Variants in TIAM1 observed in about 807,000 individuals in gnomAD.
TIAM1 encodes TIAM Rac1 associated GEF 1.
A neutral mutation model predicts 163.5 loss-of-function variants in TIAM1; 65 were observed. The ratio of observed to expected loss-of-function variants is 0.40; its 90% CI spans 0.33 to 0.49. The LOEUF (loss-of-function observed/expected upper bound fraction) is 0.49, where lower values mean the gene tolerates loss of function less well. TIAM1 is among the 20% of genes least tolerant of loss of function. TIAM1 has a pLI of 0.77. For synonymous variants in TIAM1, 833 were observed against 810.1 expected (o/e 1.03, Z -0.48); for missense variants, 1,789 against 2,044.7 (o/e 0.87, Z 2.41).
At chr21:31,514,813 T>G (rs550400919) in intron 1 of TIAM1, among the ~76,000 whole-genome samples, 1 of 152,344 alleles carries the variant, frequency 6.6e-6, no homozygotes, top group East Asian at 1.9e-4. Flanking sequence ...GCAGCTGCGC[T>G]GCCCTCTCTC....
intron 8 of TIAM1, among the ~76,000 whole-genome samples, chr21:31,218,684 T>C (rs532556979): frequency 1.1e-4 from 17 of 152,256 alleles, no homozygotes; most frequent in African/African-American, 4.1e-4. Flanking sequence ...TCCTGGTCAA[T>C]GGCATACAAG....
intron 1 of TIAM1, among the ~76,000 whole-genome samples, chr21:31,517,048 C>CAA (rs747446437): frequency 0.018 from 1,164 of 65,344 alleles, 11 homozygotes; most frequent in Non-Finnish European, 0.026. Context: ...GACTCTGTCT[C>CAA]AAAAAAAAAA....
intron 12 of TIAM1, among the ~76,000 whole-genome samples, chr21:31,197,696 C>T (rs2085949125): frequency 6.6e-6 from 1 of 152,170 alleles, no homozygotes; most frequent in Non-Finnish European, 1.5e-5. Context: ...ATGTCAAGAT[C>T]TATCATCAAG....
At chr21:31,222,767 G>C (rs2087693894) in intron 8 of TIAM1, among the ~76,000 whole-genome samples, 1 of 132,046 alleles carries the variant, frequency 7.6e-6, no homozygotes, top group South Asian at 2.5e-4. Flanking sequence ...ACCCAGGCTG[G>C]AGTGCAGTGG....
chr21:31,216,184 A>C (rs7276947), intron 9 of TIAM1, among the ~76,000 whole-genome samples: 6,906 of 152,030 alleles, frequency 0.045, 448 homozygotes, highest in African/African-American at 0.15. Flanking sequence ...AAAACAAAAC[A>C]AAACCAAAAA....
chr21:31,538,307 T>C (rs2048206050), intron 1 of TIAM1, among the ~76,000 whole-genome samples: 2 of 152,076 alleles, frequency 1.3e-5, no homozygotes, highest in African/African-American at 4.8e-5. Flanking sequence ...CTTTGGGAGG[T>C]TGAGACAGAA....
intron 2 of TIAM1, among the ~76,000 whole-genome samples, chr21:31,286,469 A>G (rs531181253): frequency 6.6e-6 from 1 of 152,212 alleles, no homozygotes; most frequent in South Asian, 2.1e-4. Context: ...GCACTTTGGG[A>G]AGCCGAAACA....
intron 27 of TIAM1, among the ~76,000 whole-genome samples, chr21:31,122,118 T>G (rs568504667): frequency 6.6e-6 from 1 of 152,196 alleles, no homozygotes; most frequent in Non-Finnish European, 1.5e-5. Flanking sequence ...TTGGCTCTCA[T>G]GGCAGCCATC....
chr21:31,228,220 T>TTTA (rs1569068474), intron 6 of TIAM1, among the ~76,000 whole-genome samples: 1 of 16,264 alleles, frequency 6.1e-5, no homozygotes, highest in African/African-American at 1.8e-4. Flanking sequence ...CTCCTTTTTT[T>TTTA]AAAAAAAAAA....
chr21:31,502,676 G>A (rs1336893916), intron 1 of TIAM1, among the ~76,000 whole-genome samples: 2 of 152,186 alleles, frequency 1.3e-5, no homozygotes, highest in Non-Finnish European at 2.9e-5. Context: ...ATTATGCCTA[G>A]ATCATCCGTC....
Position 31,409,991 on chromosome 21 carries a change from T to C in TIAM1, c.-369+53992A>G, listed in dbSNP as rs993422222. Among the ~76,000 whole-genome samples, 5 of 151,958 alleles carry C rather than the reference T, an allele frequency of 3.3e-5. No individual in the cohort carries two copies. In the East Asian group the frequency reaches 9.6e-4, roughly 29 times the overall value. ...AGGAGATCCAAGTTTTCTCTGGCAC[T>C]ACACGAGACAGCCAGGGAAACGCAG... On this transcript the variant is annotated intron_variant, in intron 2 of 28. Coordinates refer to the TIAM1 transcript ENST00000286827.
upstream of TIAM1, among the ~76,000 whole-genome samples, chr21:31,348,196 T>G (rs1218134688): frequency 6.6e-6 from 1 of 152,218 alleles, no homozygotes; most frequent in Non-Finnish European, 1.5e-5. Flanking sequence ...GCAAGCATTT[T>G]CTGGATTGCT....
At chr21:31,487,863 T>C (rs1209681882) in intron 1 of TIAM1, among the ~76,000 whole-genome samples, 2 of 152,178 alleles carry the variant, frequency 1.3e-5, no homozygotes, top group African/African-American at 2.4e-5. Context: ...GGCCTTTTTT[T>C]GTATTTTTAG....
At chr21:31,404,270 A>G (rs960059718) in intron 2 of TIAM1, among the ~76,000 whole-genome samples, 2 of 152,224 alleles carry the variant, frequency 1.3e-5, no homozygotes, top group Non-Finnish European at 2.9e-5. Context: ...GGAGTTCAAG[A>G]CCATAAATGA....
chr21:31,188,996 T>G (rs9983480), intron 13 of TIAM1, among the ~76,000 whole-genome samples: 149,742 of 149,744 alleles, frequency 1, 74,870 homozygotes, highest in Middle Eastern at 1. Flanking sequence ...CTGAAGCCAA[T>G]TAGATGGAGA....
rs74327184 is a variant in TIAM1, at chr21:31,371,162, G to A, written c.-368-31740C>T. 8.1e-3 allele frequency among the ~76,000 whole-genome samples: 1,235 copies of A among 152,280 alleles called. 8 individuals carry two copies. Among genetic ancestry groups the A allele is most frequent in the African/African-American group, 0.028 (1,173 of 41,536 alleles). ...AGTTTTAGTTTATATTACACAAAGC[G>A]GTGATTCAAAACATATGGGTAGTCA... is the stretch of plus-strand genomic sequence containing the variant. On this transcript the variant is annotated intron_variant, in intron 2 of 28. Transcript: ENST00000286827.
chr21:31,287,817 G>C (rs1381633367), intron 2 of TIAM1, among the ~76,000 whole-genome samples: 1 of 152,194 alleles, frequency 6.6e-6, no homozygotes, highest in Non-Finnish European at 1.5e-5. Flanking sequence ...TACACGATGA[G>C]ATTTTATTAT....
intron 2 of TIAM1, among the ~76,000 whole-genome samples, chr21:31,308,010 A>T (rs899575366): frequency 6.6e-6 from 1 of 152,200 alleles, no homozygotes; most frequent in East Asian, 1.9e-4. Context: ...AGGCAGGCAG[A>T]TCACTTGAGA....
intron 1 of TIAM1, among the ~76,000 whole-genome samples, chr21:31,481,446 T>C (rs1467417681): frequency 1.3e-5 from 2 of 152,128 alleles, no homozygotes; most frequent in Admixed American, 1.3e-4. Flanking sequence ...TGACGCTAAC[T>C]ACCCACAGTT....
Sources: allele counts gnomAD v4.1 joint callset (sites outside exome capture counted in the v4.1 genomes callset), GRCh38; gene constraint gnomAD v4.1.1; transcripts MANE v1.5; gene names NCBI Gene and HGNC (gene_info 2026-07-23, HGNC 2026-07-21).